Variants in DTWD2 observed in about 807,000 individuals in gnomAD.
DTWD2 encodes the protein tRNA-uridine aminocarboxypropyltransferase 2.
Under a neutral mutation model 31.8 loss-of-function variants are expected in DTWD2, and 39 were observed. The observed-to-expected ratio is 1.22, with a 90% CI of 0.95 to 1.60. DTWD2 has a LOEUF of 1.60. DTWD2 is among the 40% of genes most tolerant of loss of function. DTWD2 has a pLI of 0.00. For synonymous variants in DTWD2, 180 were observed against 142.8 expected (o/e 1.26, Z -1.86); for missense variants, 515 against 381.5 (o/e 1.35, Z -2.92).
chr5:118,924,713 C>A (rs757214448), intron 4 of DTWD2, among the ~76,000 whole-genome samples: 33 of 152,214 alleles, frequency 2.2e-4, no homozygotes, highest in Non-Finnish European at 4.1e-4. Flanking sequence ...ACAATTGCCA[C>A]TATCATTTTA....
rs533019780 is a variant in DTWD2, at chr5:118,921,521, TA to T, written c.597+7015del. The stretch of plus-strand genomic sequence containing the variant: ...GGCAACAGAGCAAGACCCCATCTCT[TA>T]AAAAAAAAAAAAGAAAGAAAGAAAA... On this transcript the variant is annotated intron_variant, in intron 4 of 5. Transcript: ENST00000510708. 3.0e-3 allele frequency among the ~76,000 whole-genome samples: 391 copies of T among 130,982 alleles called. 1 individual carries two copies. The highest frequency in any genetic ancestry group is 2.8e-3 in the Admixed American group (36 of 12,806). The allele number at this position is 130,982 out of a possible 152,430, so 85.9% of individuals were successfully genotyped here. A position where few individuals can be genotyped will look rare whatever the true frequency, so the allele number is the denominator to read the frequency against.
chr5:118,876,979 C>G (rs965661714), intron 4 of DTWD2, among the ~76,000 whole-genome samples: 3 of 152,180 alleles, frequency 2.0e-5, no homozygotes, highest in Non-Finnish European at 4.4e-5. Context: ...AAATGCCTAA[C>G]ACAATACTGG....
intron 1 of DTWD2, among the ~76,000 whole-genome samples, chr5:118,949,206 G>T (rs983389386): frequency 1.6e-4 from 24 of 152,182 alleles, no homozygotes; most frequent in Non-Finnish European, 3.5e-4. Context: ...TGGATGGAAA[G>T]AAAGTAAATC....
chr5:118,851,064 T>C (rs760075355), intron 4 of DTWD2, among the ~76,000 whole-genome samples: 2 of 151,876 alleles, frequency 1.3e-5, no homozygotes, highest in Non-Finnish European at 2.9e-5. Flanking sequence ...CTGGCCAACA[T>C]GGTGAAACCC....
At chr5:118,974,989 A>T (rs1384539015) in intron 1 of DTWD2, among the ~76,000 whole-genome samples, 1 of 152,062 alleles carries the variant, frequency 6.6e-6, no homozygotes. Flanking sequence ...GGTGAATCTG[A>T]TGATTATGTG....
intron 1 of DTWD2, among the ~76,000 whole-genome samples, chr5:118,950,925 C>T (rs1448042694): frequency 1.3e-5 from 2 of 151,992 alleles, no homozygotes; most frequent in African/African-American, 2.4e-5. Flanking sequence ...ACGTCAGGAG[C>T]AGATTGGGTA....
At chr5:118,938,607 A>G (rs1035610685) in intron 3 of DTWD2, among the ~76,000 whole-genome samples, 3 of 152,090 alleles carry the variant, frequency 2.0e-5, no homozygotes, top group African/African-American at 7.2e-5. Context: ...CCAGCTGCTC[A>G]GGAAGCTGAG....
chr5:118,945,116 C>A (rs1754302347), intron 1 of DTWD2, among the ~76,000 whole-genome samples: 1 of 152,182 alleles, frequency 6.6e-6, no homozygotes, highest in Non-Finnish European at 1.5e-5. Context: ...TCAATCAATA[C>A]AGAGAACTTA....
intron 5 of DTWD2, among the ~76,000 whole-genome samples, chr5:118,844,168 T>C (rs997568279): frequency 6.6e-6 from 1 of 152,216 alleles, no homozygotes; most frequent in Admixed American, 6.5e-5. Context: ...AGTTTTAAAG[T>C]TGTAGCCTAT....
At chr5:118,959,040 T>C (rs1754651512) in intron 1 of DTWD2, among the ~76,000 whole-genome samples, 1 of 152,136 alleles carries the variant, frequency 6.6e-6, no homozygotes, top group Admixed American at 6.6e-5. Context: ...AACTGGAACA[T>C]GACAAGTCTG....
At chr5:118,857,792 C>G (rs75500973) in intron 4 of DTWD2, among the ~76,000 whole-genome samples, 3,235 of 152,262 alleles carry the variant, frequency 0.021, 57 homozygotes, top group Non-Finnish European at 0.026. Context: ...TCTGATGATT[C>G]ACACAGTATT....
At chr5:118,881,434 T>C (rs1388565535) in intron 4 of DTWD2, among the ~76,000 whole-genome samples, 1 of 152,200 alleles carries the variant, frequency 6.6e-6, no homozygotes, top group Non-Finnish European at 1.5e-5. Flanking sequence ...TTGAAAGTAT[T>C]ATTTCTTTCT....
At chr5:118,876,549 G>T (rs1046651553) in intron 4 of DTWD2, among the ~76,000 whole-genome samples, 1 of 151,950 alleles carries the variant, frequency 6.6e-6, no homozygotes, top group African/African-American at 2.4e-5. Context: ...GACAAGAGGG[G>T]TATTACCACT....
chr5:118,857,747 G>T (rs1472457491), intron 4 of DTWD2, among the ~76,000 whole-genome samples: 2 of 152,098 alleles, frequency 1.3e-5, no homozygotes, highest in African/African-American at 4.8e-5. Flanking sequence ...CACAGTGCTG[G>T]GCATGTGCCT....
intron 4 of DTWD2, among the ~76,000 whole-genome samples, chr5:118,921,426 G>C (rs1753700985): frequency 6.6e-6 from 1 of 151,488 alleles, no homozygotes; most frequent in Admixed American, 6.6e-5. Flanking sequence ...GGCTGAGGTG[G>C]GTGGATCGCT....
chr5:118,955,196 G>A (rs1344529055), intron 1 of DTWD2, among the ~76,000 whole-genome samples: 4 of 152,088 alleles, frequency 2.6e-5, no homozygotes, highest in Non-Finnish European at 5.9e-5. Flanking sequence ...TTACTTTAAA[G>A]CATATTCTCT....
Position 118,939,284 on chromosome 5 carries a change from T to G in DTWD2, c.316A>C (p.Lys106Gln). 6.4e-7 allele frequency: 1 copy of G among 1,569,868 alleles called. No individual in the cohort carries two copies. The highest frequency in any genetic ancestry group is 8.6e-7 in the Non-Finnish European group (1 of 1,159,354). Reference protein sequence around the residue: ...YIIQHPAEENKVLRTVPLLAA... With the variant: ...YIIQHPAEENQVLRTVPLLAA... Reference sequence around the variant, plus strand: ...AGTAGAGGAACTGTACGCAACACTTTGTTTTCCTTTAATTAAAAAATGAAT... The same window carrying G: ...AGTAGAGGAACTGTACGCAACACTTGGTTTTCCTTTAATTAAAAAATGAAT... The change falls in exon 3 of 6, where the codon AAA becomes CAA. Residue 106 changes from lysine to glutamine, a missense_variant. Physicochemically the swap from Lys to Gln is moderately conservative, Grantham distance 53. Transcript: ENST00000510708.
At chr5:118,871,535 G>A (rs1276124335) in intron 4 of DTWD2, among the ~76,000 whole-genome samples, 1 of 152,184 alleles carries the variant, frequency 6.6e-6, no homozygotes, top group Non-Finnish European at 1.5e-5. Context: ...TGTATCAGCA[G>A]GAGTGAAAAT....
intron 1 of DTWD2, among the ~76,000 whole-genome samples, chr5:118,955,348 C>A (rs570864571): frequency 2.6e-5 from 4 of 152,164 alleles, no homozygotes; most frequent in Non-Finnish European, 4.4e-5. Context: ...CTTTCCTCCC[C>A]GACAATGCTC....
Sources: gnomAD v4.1 joint callset for allele counts (sites outside exome capture counted in the v4.1 genomes callset) on GRCh38, gnomAD v4.1.1 for gene constraint, MANE v1.5 for transcripts, NCBI Gene and HGNC (gene_info 2026-07-23, HGNC 2026-07-21) for gene names.